The following KSR2 variants were observed in gnomAD, a reference collection of about 807,000 sequenced individuals.
The protein encoded by KSR2 is kinase suppressor of ras 2.
In KSR2, 25 loss-of-function variants were observed where a neutral mutation model predicts 107.8. That is an observed-to-expected ratio of 0.23 (90% CI 0.17 to 0.32). KSR2 has a LOEUF of 0.32. Ranked by LOEUF, KSR2 falls within the 10% of genes least tolerant of loss-of-function variation. The probability of loss-of-function intolerance (pLI) is 1.00; values close to 1 mark genes in which losing one functional copy is unlikely to be tolerated. For missense variants in KSR2, 887 were observed against 1,268.9 expected, an observed-to-expected ratio of 0.70 and a Z score of 4.57; for synonymous variants, 480 against 507.0, an observed-to-expected ratio of 0.95 and a Z score of 0.71.
chr12:117,576,563 T>C (rs543361593), intron 7 of KSR2, among the ~76,000 whole-genome samples: 2 of 152,122 alleles, frequency 1.3e-5, no homozygotes, highest in Non-Finnish European at 2.9e-5. Context: ...AGTGGTGCAA[T>C]CACAGCTCAT....
intron 1 of KSR2, among the ~76,000 whole-genome samples, chr12:117,958,615 G>T (rs1042636490): frequency 3.9e-5 from 6 of 152,158 alleles, no homozygotes; most frequent in Non-Finnish European, 8.8e-5. Context: ...GAGATGAGGA[G>T]TTCAAGACCA....
chr12:117,509,866 C>T (rs1366181730), intron 14 of KSR2, among the ~76,000 whole-genome samples: 1 of 152,162 alleles, frequency 6.6e-6, no homozygotes, highest in Non-Finnish European at 1.5e-5. Flanking sequence ...GAAGAGGACT[C>T]GAAGTCGAAT....
At chr12:117,839,623 T>C (rs1306134169) in intron 3 of KSR2, among the ~76,000 whole-genome samples, 2 of 152,210 alleles carry the variant, frequency 1.3e-5, no homozygotes, top group African/African-American at 4.8e-5. Context: ...GATTTAGATA[T>C]CAAAGCAACT....
At chr12:117,489,858 C>T (rs778232323) in intron 14 of KSR2, among the ~76,000 whole-genome samples, 6 of 152,148 alleles carry the variant, frequency 3.9e-5, no homozygotes, top group Non-Finnish European at 8.8e-5. Context: ...AGGGCGGCCC[C>T]GGCAAGTCAG....
chr12:117,939,614 AG>A (rs1206129519), intron 1 of KSR2, among the ~76,000 whole-genome samples: 2 of 152,146 alleles, frequency 1.3e-5, no homozygotes, highest in African/African-American at 4.8e-5. Context: ...CGGGAGGCTG[AG>A]GCAGGAGAAT....
Position 117,611,808 on chromosome 12 carries a change from A to G in KSR2, c.1172-29449T>C, listed in dbSNP as rs118047584. On this transcript the variant is annotated intron_variant, in intron 5 of 19. Coordinates refer to ENST00000339824, the MANE Select transcript of KSR2 (RefSeq NM_173598.6). ...CTAAAAAGAAAGGAAATTCTGACACATGCTACAACATGGATGAGACTAGAG... is the reference window on the plus strand; with the variant it reads ...CTAAAAAGAAAGGAAATTCTGACACGTGCTACAACATGGATGAGACTAGAG... 1.9e-3 allele frequency among the ~76,000 whole-genome samples: 295 copies of G among 152,366 alleles called. 1 individual carries two copies. Among genetic ancestry groups the G allele is most frequent in the Non-Finnish European group, 3.3e-3 (224 of 68,040 alleles).
intron 14 of KSR2, among the ~76,000 whole-genome samples, chr12:117,500,201 G>A (rs1873296793): frequency 6.6e-6 from 1 of 152,170 alleles, no homozygotes; most frequent in South Asian, 2.1e-4. Flanking sequence ...GGAATTACTG[G>A]ATCTGCTCCT....
At chr12:117,908,229 T>C (rs1894913577) in intron 1 of KSR2, among the ~76,000 whole-genome samples, 1 of 151,826 alleles carries the variant, frequency 6.6e-6, no homozygotes, top group Admixed American at 6.6e-5. Flanking sequence ...GGAAAAATAA[T>C]TTAAAAACTC....
In KSR2 at chr12:117,948,704, C is replaced by T. The variant is rs114573798; in HGVS notation, c.180+19372G>A. ...TAGAAAAAAATTGTACATTTAAATG[C>T]ACACACACAAAAAATGAATTTCAAT... is the stretch of plus-strand genomic sequence containing the variant. On this transcript the variant is annotated intron_variant, in intron 1 of 19. Coordinates refer to ENST00000339824, the MANE Select transcript of KSR2 (RefSeq NM_173598.6). Among the ~76,000 whole-genome samples the T allele has an allele frequency of 7.5e-3, 1,137 of 152,200 alleles. 18 individuals are homozygous for T. The highest frequency in any genetic ancestry group is 0.025 in the African/African-American group (1,037 of 41,528).
At chr12:117,914,093 A>G (rs898164070) in intron 1 of KSR2, among the ~76,000 whole-genome samples, 4 of 152,206 alleles carry the variant, frequency 2.6e-5, no homozygotes, top group African/African-American at 9.7e-5. Flanking sequence ...AAAACTGGGA[A>G]GAATAACATT....
chr12:117,894,601 C>T (rs1894448666), intron 1 of KSR2, among the ~76,000 whole-genome samples: 1 of 152,094 alleles, frequency 6.6e-6, no homozygotes, highest in African/African-American at 2.4e-5. Context: ...GGAGAAGGGA[C>T]CTGGTGGGAG....
chr12:117,738,789 C>T (rs551718774), intron 4 of KSR2, among the ~76,000 whole-genome samples: 86 of 152,180 alleles, frequency 5.7e-4, no homozygotes, highest in African/African-American at 1.7e-3. Flanking sequence ...GCAGGAGAAT[C>T]GCTTGAACCC....
At chr12:117,873,149 A>T (rs1278632101) in intron 1 of KSR2, among the ~76,000 whole-genome samples, 1 of 152,104 alleles carries the variant, frequency 6.6e-6, no homozygotes, top group African/African-American at 2.4e-5. Context: ...GTTTGAGACC[A>T]GCCTGGCTCA....
chr12:117,624,007 T>C (rs1198388955), intron 5 of KSR2, among the ~76,000 whole-genome samples: 2 of 152,248 alleles, frequency 1.3e-5, no homozygotes, highest in Non-Finnish European at 2.9e-5. Context: ...TTCATGTGTC[T>C]GTTGGTTGCA....
intron 1 of KSR2, among the ~76,000 whole-genome samples, chr12:117,867,524 T>C (rs1893514309): frequency 6.6e-6 from 1 of 152,188 alleles, no homozygotes; most frequent in South Asian, 2.1e-4. Flanking sequence ...TCCACGCCTT[T>C]TCAATGACGC....
chr12:117,759,615 C>G (rs1238358674), intron 4 of KSR2, among the ~76,000 whole-genome samples: 3 of 152,202 alleles, frequency 2.0e-5, no homozygotes, highest in Non-Finnish European at 4.4e-5. Context: ...AATGCAAAGT[C>G]TATATCCAAT....
chr12:117,465,552 G>A lies in KSR2; in HGVS notation c.*1647C>T, dbSNP rs1871104675. On this transcript the variant is annotated 3_prime_UTR_variant, in exon 20 of 20. Transcript: ENST00000339824. ...GGCCCCCAGAGCATGAACCAGTCTG[G>A]GAGTCACCCAAGGTGGGGAAGAGAT... is the stretch of plus-strand genomic sequence containing the variant. The A allele has an allele frequency of 6.6e-6, 1 of 152,202 alleles. No homozygotes were observed. The highest frequency in any genetic ancestry group is 6.5e-5 in the Admixed American group (1 of 15,286). The allele number at this position is 152,202 out of a possible 1,614,324, so 9.4% of individuals were successfully genotyped here.
chr12:117,754,327 G>T (rs1441791902), intron 4 of KSR2, among the ~76,000 whole-genome samples: 3 of 152,090 alleles, frequency 2.0e-5, no homozygotes, highest in African/African-American at 7.2e-5. Flanking sequence ...GAGCACCAAG[G>T]ATAAGGGGCC....
rs999664146 is a variant in KSR2, at chr12:117,844,303, C to T, written c.472+11125G>A. Reference sequence around the variant, plus strand: ...GACTGCAGCTCCAGCCAACAACACACGGAACAGAAGAACCACCCAGCTGAG... The same window carrying T: ...GACTGCAGCTCCAGCCAACAACACATGGAACAGAAGAACCACCCAGCTGAG... On this transcript the variant is annotated intron_variant, in intron 3 of 19. Transcript: ENST00000339824. 4.6e-5 allele frequency among the ~76,000 whole-genome samples: 7 copies of T among 152,112 alleles called. No individual in the cohort carries two copies. The South Asian group carries it at 1.0e-3, about 23-fold the overall frequency.
Sources: gnomAD v4.1 joint callset for allele counts (sites outside exome capture counted in the v4.1 genomes callset) on GRCh38, gnomAD v4.1.1 for gene constraint, MANE v1.5 for transcripts, NCBI Gene and HGNC (gene_info 2026-07-23, HGNC 2026-07-21) for gene names.